Variants in ATF7IP2 observed in about 807,000 individuals in gnomAD.
ATF7IP2 encodes activating transcription factor 7-interacting protein 2.
In ATF7IP2, 42 loss-of-function variants were observed where a neutral mutation model predicts 64.2. The ratio of observed to expected loss-of-function variants is 0.65; its 90% CI spans 0.51 to 0.85. The LOEUF (loss-of-function observed/expected upper bound fraction) is 0.85, where lower values mean the gene tolerates loss of function less well. Ranked by LOEUF, ATF7IP2 falls within the 40% of genes least tolerant of loss-of-function variation. The probability of loss-of-function intolerance (pLI) is 0.00; values close to 1 mark genes in which losing one functional copy is unlikely to be tolerated. For missense variants in ATF7IP2, 933 were observed against 784.2 expected (o/e 1.19, Z -2.27); for synonymous variants, 308 against 272.8 (o/e 1.13, Z -1.27).
intron 8 of ATF7IP2, among the ~76,000 whole-genome samples, chr16:10,441,582 C>T (rs1202362490): frequency 4.6e-5 from 7 of 152,052 alleles, no homozygotes; most frequent in Non-Finnish European, 7.4e-5. Context: ...ATCCTTCGCC[C>T]GCTTTTTGAT....
intron 1 of ATF7IP2, 52 bp from the exon 2 acceptor site, chr16:10,414,522 T>A (rs928564443): frequency 6.6e-6 from 1 of 152,088 alleles, no homozygotes; most frequent in Non-Finnish European, 1.5e-5. Context: ...TTCACCTTTC[T>A]CTGGTGCCTC....
chr16:10,436,955 G>A (rs2048439196), intron 6 of ATF7IP2, among the ~76,000 whole-genome samples: 2 of 150,458 alleles, frequency 1.3e-5, no homozygotes, highest in Admixed American at 1.3e-4. Flanking sequence ...ACTACGATTT[G>A]TTAGAATGGC....
At chr16:10,470,731 T>C (rs1302294759) in intron 9 of ATF7IP2, among the ~76,000 whole-genome samples, 2 of 151,898 alleles carry the variant, frequency 1.3e-5, no homozygotes, top group Non-Finnish European at 2.9e-5. Flanking sequence ...TTCAGCAAGA[T>C]ACATTTGCAC....
chr16:10,475,722 G>GAAAAAAAAAAAAAAAAAAAAAACAAA (rs2049982063), intron 12 of ATF7IP2, among the ~76,000 whole-genome samples: 1 of 41,644 alleles, frequency 2.4e-5, no homozygotes, highest in Non-Finnish European at 4.0e-5. Flanking sequence ...TAAGAAGCCA[G>GAAAAAAAAAAAAAAAAAAAAAACAAA]AAAAAAAAAA....
chr16:10,473,329 C>G, intron 10 of ATF7IP2, 150 bp from the exon 11 acceptor site: 1 of 523,950 alleles, frequency 1.9e-6, no homozygotes, highest in Non-Finnish European at 3.4e-6. Flanking sequence ...TTCATTCAGT[C>G]TTTGGAATAG....
intron 9 of ATF7IP2, among the ~76,000 whole-genome samples, chr16:10,470,813 A>ATG (rs1555452929): frequency 1.9e-4 from 27 of 140,786 alleles, no homozygotes; most frequent in African/African-American, 2.7e-4. Flanking sequence ...ATATATATAT[A>ATG]TGTGTGTGTG....
intron 5 of ATF7IP2, among the ~76,000 whole-genome samples, chr16:10,432,407 A>G (rs897951578): frequency 2.0e-5 from 3 of 152,212 alleles, no homozygotes; most frequent in African/African-American, 7.2e-5. Context: ...AGATGAATTT[A>G]AAATTCCTTA....
At chr16:10,473,893 G>GTTTTT in intron 11 of ATF7IP2, 30 bp from the exon 12 acceptor site, 3 of 874,706 alleles carry the variant, frequency 3.4e-6, no homozygotes, top group African/African-American at 4.1e-5. Context: ...TTGAGGCAAA[G>GTTTTT]CTTTTTTTTT....
At chr16:10,463,489 A>C (rs543162031) in intron 9 of ATF7IP2, among the ~76,000 whole-genome samples, 3 of 152,180 alleles carry the variant, frequency 2.0e-5, no homozygotes, top group Non-Finnish European at 4.4e-5. Flanking sequence ...GAGCAAGTTA[A>C]CTGTCATGTC....
In ATF7IP2 at chr16:10,482,005, A is replaced by G. The variant is rs748018394; in HGVS notation, c.1805A>G (p.Asn602Ser). ...CTGACTTGGAATATAACCAAAATCA[A>G]TCCCAAGTGTGCTCCTGTAGAAAGC... is the stretch of plus-strand genomic sequence containing the variant. ...IALTWNITKINPKCAPVESYH... is the reference protein window; with the variant it reads ...IALTWNITKISPKCAPVESYH... Residue 602 changes from asparagine to serine, a missense_variant, in exon 14 of 14, where the codon AAT (asparagine) becomes AGT (serine). Coordinates refer to ENST00000562102, the MANE Select transcript of ATF7IP2 (RefSeq NM_001393719.1). 1.9e-6 allele frequency: 3 copies of G among 1,614,016 alleles called. No homozygotes were observed. Among genetic ancestry groups the G allele is most frequent in the Admixed American group, 1.7e-5 (1 of 59,986 alleles).
intron 8 of ATF7IP2, chr16:10,448,249 A>G (rs528124731): frequency 1.3e-5 from 2 of 152,350 alleles, no homozygotes; most frequent in South Asian, 4.1e-4. Flanking sequence ...TGTCTTGGCT[A>G]TATGGGCTCT....
intron 1 of ATF7IP2, among the ~76,000 whole-genome samples, chr16:10,396,873 C>T (rs1245047199): frequency 3.3e-5 from 5 of 151,876 alleles, no homozygotes. Context: ...CCTTGTATTG[C>T]CCAGGGTGGT....
chr16:10,395,616 T>C (rs1437246259), intron 1 of ATF7IP2, among the ~76,000 whole-genome samples: 1 of 152,162 alleles, frequency 6.6e-6, no homozygotes, highest in Admixed American at 6.6e-5. Context: ...ATTTCAGGAA[T>C]GCAAAATAAA....
At chr16:10,421,328 A>C (rs935101255) in intron 3 of ATF7IP2, among the ~76,000 whole-genome samples, 5 of 152,128 alleles carry the variant, frequency 3.3e-5, no homozygotes, top group African/African-American at 1.2e-4. Flanking sequence ...TTTTCTACTT[A>C]TTTGAGCCTT....
chr16:10,405,179 A>G (rs1230985694), intron 1 of ATF7IP2, among the ~76,000 whole-genome samples: 1 of 151,796 alleles, frequency 6.6e-6, no homozygotes, highest in African/African-American at 2.4e-5. Context: ...CCTGGCCAAC[A>G]TGGTGAAACC....
intron 1 of ATF7IP2, among the ~76,000 whole-genome samples, chr16:10,398,894 A>G (rs2047473038): frequency 6.6e-6 from 1 of 152,200 alleles, no homozygotes; most frequent in Non-Finnish European, 1.5e-5. Context: ...CAGGCAGATC[A>G]CCTGAGGTCA....
In ATF7IP2 at chr16:10,431,394, T is replaced by C; in HGVS notation, c.774T>C (p.Ser258=). The change falls in exon 5 of 14, where the codon AGT becomes AGC. Residue 258 remains serine, a synonymous_variant. Transcript: ENST00000562102. The part of the protein sequence containing the change: ...ILKTDECSRT[S]ISNCESADST... ...AAACTGATGAGTGTAGTAGAACCAG[T>C]ATTTCAAATTGTGAAAGTGCAGACT... The C allele has an allele frequency of 6.2e-7, 1 of 1,612,386 alleles. No individual in the cohort carries two copies.
intron 9 of ATF7IP2, among the ~76,000 whole-genome samples, chr16:10,469,515 G>A (rs902974976): frequency 6.6e-6 from 1 of 152,100 alleles, no homozygotes; most frequent in African/African-American, 2.4e-5. Context: ...CTGAAAGTCA[G>A]TGAGGAAGGG....
At chr16:10,453,202 C>G (rs1200733196) in intron 8 of ATF7IP2, among the ~76,000 whole-genome samples, 1 of 152,192 alleles carries the variant, frequency 6.6e-6, no homozygotes, top group African/African-American at 2.4e-5. Context: ...GCTTGAAACC[C>G]AGGGCCGTGG....
Sources: allele counts gnomAD v4.1 joint callset (sites outside exome capture counted in the v4.1 genomes callset), GRCh38; gene constraint gnomAD v4.1.1; transcripts MANE v1.5; gene names NCBI Gene and HGNC (gene_info 2026-07-23, HGNC 2026-07-21).